Variants in ZDHHC11B observed in about 807,000 individuals in gnomAD.
ZDHHC11B encodes probable palmitoyltransferase ZDHHC11B.
Under a neutral mutation model 42.3 loss-of-function variants are expected in ZDHHC11B, and 17 were observed. The observed-to-expected ratio is 0.40, with a 90% CI of 0.27 to 0.60. ZDHHC11B has a LOEUF of 0.60. ZDHHC11B is among the 20% of genes least tolerant of loss of function. ZDHHC11B has a pLI of 0.41. For synonymous variants in ZDHHC11B, 123 were observed against 193.5 expected, an observed-to-expected ratio of 0.64 and a Z score of 3.02; for missense variants, 262 against 463.2, an observed-to-expected ratio of 0.57 and a Z score of 3.99.
rs1239543901 is a variant in ZDHHC11B, at chr5:718,664, C to G, written c.1059-1799G>C. ...TGAGCAGAGATTGTGCCACTGCACT[C>G]TAGCCTGGGCGACAGAGCGAGACTC... is the stretch of plus-strand genomic sequence containing the variant. On this transcript the variant is annotated intron_variant, in intron 12 of 13. Coordinates refer to ENST00000508859, the MANE Select transcript of ZDHHC11B (RefSeq NM_001351303.2). Among the ~76,000 whole-genome samples the G allele has an allele frequency of 5.8e-5, 8 of 138,352 alleles. No individual in the cohort carries two copies. In the East Asian group the frequency reaches 1.1e-3, roughly 19 times the overall value. 90.8% of individuals were successfully genotyped at this position (138,352 alleles called of 152,430 possible).
In ZDHHC11B at chr5:783,454, G is replaced by C. The variant is rs1737004800; in HGVS notation, c.-230+1214C>G. On this transcript the variant is annotated intron_variant, in intron 1 of 13. Coordinates refer to ENST00000508859, the MANE Select transcript of ZDHHC11B (RefSeq NM_001351303.2). The stretch of plus-strand genomic sequence containing the variant: ...GGCAGGGGCTGGCTGGGCGTGGGGG[G>C]AGACCTCTCCCCCTGAGAAGTCAGG... Among the ~76,000 whole-genome samples the C allele has an allele frequency of 2.0e-5, 3 of 147,702 alleles. No homozygotes were observed. In the South Asian group the frequency reaches 7.1e-4, roughly 35 times the overall value.
chr5:763,791 AT>A (rs1734934077), intron 4 of ZDHHC11B, among the ~76,000 whole-genome samples: 2 of 151,920 alleles, frequency 1.3e-5, no homozygotes, highest in Non-Finnish European at 2.9e-5. Flanking sequence ...GAGATAAAGC[AT>A]GGTGTTATAA....
chr5:726,058 C>T (rs2126985681), intron 12 of ZDHHC11B, among the ~76,000 whole-genome samples: 1 of 127,592 alleles, frequency 7.8e-6, no homozygotes, highest in South Asian at 2.4e-4. Flanking sequence ...TACGTCCACC[C>T]ATTCCCTTCG....
intron 12 of ZDHHC11B, among the ~76,000 whole-genome samples, chr5:721,001 C>G (rs1331488289): frequency 6.6e-6 from 1 of 151,672 alleles, no homozygotes; most frequent in Non-Finnish European, 1.5e-5. Flanking sequence ...GTCCTAGTTA[C>G]TTGGAAGGTT....
At chr5:718,324 G>C (rs1276429667) in intron 12 of ZDHHC11B, among the ~76,000 whole-genome samples, 2 of 151,728 alleles carry the variant, frequency 1.3e-5, no homozygotes, top group African/African-American at 4.9e-5. Context: ...CAATTGCAAT[G>C]AATTATTTGG....
Position 710,570 on chromosome 5 carries a change from G to T in ZDHHC11B, c.*1720C>A, listed in dbSNP as rs1741280096. Reference sequence around the variant, plus strand: ...CTCAGTACTATGCTCCCATTTCCCAGTACTGTGCTCCCATTTCACAGTACT... The same window carrying T: ...CTCAGTACTATGCTCCCATTTCCCATTACTGTGCTCCCATTTCACAGTACT... On this transcript the variant is annotated 3_prime_UTR_variant, in exon 14 of 14. Coordinates refer to ENST00000508859, the MANE Select transcript of ZDHHC11B (RefSeq NM_001351303.2). 1.3e-5 allele frequency: 2 copies of T among 150,044 alleles called. No individual in the cohort carries two copies. Among genetic ancestry groups the T allele is most frequent in the Admixed American group, 1.4e-4 (2 of 14,648 alleles). The allele number at this position is 150,044 out of a possible 1,614,324, so 9.3% of individuals were successfully genotyped here.
rs1741280846 is a variant in ZDHHC11B, at chr5:710,573, C to CTGTGCTCTCATTTCACAGTACTG, written c.*1716_*1717insCAGTACTGTGAAATGAGAGCACA. 205 of 87,032 alleles carry CTGTGCTCTCATTTCACAGTACTG rather than the reference C, an allele frequency of 2.4e-3. No individual in the cohort carries two copies. Among genetic ancestry groups the CTGTGCTCTCATTTCACAGTACTG allele is most frequent in the African/African-American group, 7.3e-3 (191 of 26,190 alleles). 5.4% of individuals were successfully genotyped at this position (87,032 alleles called of 1,614,324 possible). A position where few individuals can be genotyped will look rare whatever the true frequency, so the allele number is the denominator to read the frequency against. On this transcript the variant is annotated 3_prime_UTR_variant, in exon 14 of 14. Transcript: ENST00000508859. The stretch of plus-strand genomic sequence containing the variant: ...AGTACTATGCTCCCATTTCCCAGTA[C>CTGTGCTCTCATTTCACAGTACTG]TGTGCTCCCATTTCACAGTACTGTG...
intron 1 of ZDHHC11B, among the ~76,000 whole-genome samples, chr5:777,040 T>G (rs1362220145): frequency 6.6e-6 from 1 of 151,772 alleles, no homozygotes; most frequent in African/African-American, 2.4e-5. Flanking sequence ...GTGTCTGGAA[T>G]TGGTGGGTTA....
chr5:733,514 TG>T (rs1743222244), intron 11 of ZDHHC11B, among the ~76,000 whole-genome samples: 1 of 151,650 alleles, frequency 6.6e-6, no homozygotes, highest in Non-Finnish European at 1.5e-5. Context: ...GCTCCAGTGC[TG>T]GGGGCTCCCA....
At chr5:746,413 G>T (rs1379937338) in intron 8 of ZDHHC11B, among the ~76,000 whole-genome samples, 1 of 139,698 alleles carries the variant, frequency 7.2e-6, no homozygotes, top group Non-Finnish European at 1.6e-5. Flanking sequence ...GGGAGGCTCT[G>T]GGTCACGGGG....
At chr5:760,708 T>C (rs1414389511) in intron 4 of ZDHHC11B, among the ~76,000 whole-genome samples, 1 of 151,814 alleles carries the variant, frequency 6.6e-6, no homozygotes, top group Non-Finnish European at 1.5e-5. Flanking sequence ...ACACAGCATT[T>C]TACACCCCTA....
At chr5:727,848 G>T (rs1350008838) in intron 12 of ZDHHC11B, among the ~76,000 whole-genome samples, 1 of 151,340 alleles carries the variant, frequency 6.6e-6, no homozygotes, top group East Asian at 1.9e-4. Flanking sequence ...AAAAATATCA[G>T]CAAAGAGTTC....
At chr5:783,859 C>T (rs1374418159) in intron 1 of ZDHHC11B, among the ~76,000 whole-genome samples, 9 of 131,164 alleles carry the variant, frequency 6.9e-5, no homozygotes, top group Admixed American at 1.5e-4. Flanking sequence ...AGCAGCCCCC[C>T]AAGCCCCATC....
At chr5:715,221 T>G (rs1463321693) in intron 13 of ZDHHC11B, among the ~76,000 whole-genome samples, 15 of 150,260 alleles carry the variant, frequency 1.0e-4, no homozygotes, top group South Asian at 2.1e-4. Context: ...CGGAAGGGAG[T>G]CCACAGCTCC....
At chr5:773,823 C>T (rs1736248827) in intron 1 of ZDHHC11B, among the ~76,000 whole-genome samples, 1 of 151,806 alleles carries the variant, frequency 6.6e-6, no homozygotes, top group Non-Finnish European at 1.5e-5. Flanking sequence ...GCCCACCCCA[C>T]TCCCACACAC....
chr5:718,900 G>A (rs1193221628), intron 12 of ZDHHC11B, among the ~76,000 whole-genome samples: 2 of 151,738 alleles, frequency 1.3e-5, no homozygotes, highest in Non-Finnish European at 2.9e-5. Flanking sequence ...GTACATTTTG[G>A]TTAGTCTGGT....
At chr5:751,467 G>GGA (rs1745708890) in intron 6 of ZDHHC11B, among the ~76,000 whole-genome samples, 1 of 27,830 alleles carries the variant, frequency 3.6e-5, no homozygotes, top group African/African-American at 1.1e-4. Flanking sequence ...GGCATCTGAG[G>GGA]CAGGGGCGGG....
rs369965722 is a variant in ZDHHC11B at position 770,725 on chromosome 5, A to G, written c.-229-1795T>C. Reference sequence around the variant, plus strand: ...GGGGGTGCCTCAGGATGCTCTTCCCAGGAGCCCTGGGCCTGGCCCCAGCCA... The same window carrying G: ...GGGGGTGCCTCAGGATGCTCTTCCCGGGAGCCCTGGGCCTGGCCCCAGCCA... On this transcript the variant is annotated intron_variant, in intron 1 of 13. Coordinates refer to ENST00000508859, the MANE Select transcript of ZDHHC11B (RefSeq NM_001351303.2). Among the ~76,000 whole-genome samples the G allele has an allele frequency of 1.0e-3, 155 of 152,092 alleles. 2 individuals are homozygous for G. The South Asian group carries it at 0.032, about 31-fold the overall frequency.
At chr5:759,472 G>C (rs7733158) in intron 4 of ZDHHC11B, among the ~76,000 whole-genome samples, 1 of 151,482 alleles carries the variant, frequency 6.6e-6, no homozygotes, top group African/African-American at 2.4e-5. Context: ...TGCAGCTACC[G>C]AGCTCGTGCT....
Sources: allele counts gnomAD v4.1 joint callset (sites outside exome capture counted in the v4.1 genomes callset), GRCh38; gene constraint gnomAD v4.1.1; transcripts MANE v1.5; gene names NCBI Gene and HGNC (gene_info 2026-07-23, HGNC 2026-07-21).